The following COL26A1 variants were observed in gnomAD, a reference collection of about 807,000 sequenced individuals.
COL26A1 encodes collagen type XXVI alpha 1 chain, also known as collagen alpha-1(XXVI) chain.
A neutral mutation model predicts 59.3 loss-of-function variants in COL26A1; 41 were observed. That is an observed-to-expected ratio of 0.69 (90% CI 0.54 to 0.90). The LOEUF is 0.90. Among genes scored for constraint, COL26A1 ranks in the 40% least tolerant of loss-of-function variants. The pLI is 0.00. For synonymous variants in COL26A1, 266 were observed against 256.0 expected, an observed-to-expected ratio of 1.04 and a Z score of -0.37; for missense variants, 612 against 602.3, an observed-to-expected ratio of 1.02 and a Z score of -0.17.
chr7:101,483,230 C>T (rs35677699), intron 3 of COL26A1, among the ~76,000 whole-genome samples: 57,063 of 150,760 alleles, frequency 0.38, 11,348 homozygotes, highest in Middle Eastern at 0.5. Flanking sequence ...CAGAGTCTCG[C>T]TCTGTCACCC....
chr7:101,542,661 G>A (rs1237078692), intron 5 of COL26A1, among the ~76,000 whole-genome samples: 5 of 152,178 alleles, frequency 3.3e-5, no homozygotes, highest in Admixed American at 2.0e-4. Context: ...CATGACACAG[G>A]TGGCCTCCAG....
intron 2 of COL26A1, among the ~76,000 whole-genome samples, chr7:101,445,404 A>T (rs1191881126): frequency 6.6e-6 from 1 of 151,886 alleles, no homozygotes; most frequent in African/African-American, 2.4e-5. Context: ...GTCTCTGGAA[A>T]CTTTCATTCA....
intron 1 of COL26A1, among the ~76,000 whole-genome samples, chr7:101,387,063 C>T (rs1225609730): frequency 6.6e-6 from 1 of 152,130 alleles, no homozygotes; most frequent in Admixed American, 6.6e-5. Context: ...GGGTGGGTAG[C>T]TTGCAGGATG....
chr7:101,550,728 C>A (rs144779272), intron 9 of COL26A1, among the ~76,000 whole-genome samples: 1 of 152,084 alleles, frequency 6.6e-6, no homozygotes, highest in Non-Finnish European at 1.5e-5. Flanking sequence ...CAGCTGGACA[C>A]GGGCCTGGGG....
At chr7:101,551,220 C>CGG in intron 10 of COL26A1, 77 bp downstream of exon 10, 1 of 114,110 alleles carries the variant, frequency 8.8e-6, no homozygotes, top group South Asian at 1.1e-4. Context: ...CACTGGGTGG[C>CGG]GGGGGTTGGT....
At position 101,363,155 on chromosome 7, in the gene COL26A1, C is replaced by T. The variant is rs1790939956; in HGVS notation, c.123C>T (p.Gly41=). 5.3e-6 allele frequency: 8 copies of T among 1,509,744 alleles called. No individual in the cohort carries two copies. Among genetic ancestry groups the T allele is most frequent in the East Asian group, 2.7e-5 (1 of 36,986 alleles). 93.5% of individuals were successfully genotyped at this position (1,509,744 alleles called of 1,614,324 possible). ...ALQQHGYPEP[G]AGSPGSGYAS... ...AGCAGCACGGCTACCCCGAGCCCGG[C>T]GCCGGCTCCCCTGGCAGCGGCTACG... Residue 41 remains glycine (G), a synonymous_variant, in exon 1 of 13, where the codon GGC becomes GGT. Transcript: ENST00000313669.
chr7:101,542,027 C>T (rs1288422262), intron 5 of COL26A1, among the ~76,000 whole-genome samples: 1 of 151,402 alleles, frequency 6.6e-6, no homozygotes, highest in Non-Finnish European at 1.5e-5. Context: ...AGTGCAGTGT[C>T]GTGATCTCGG....
chr7:101,511,224 T>C (rs1304675091), intron 3 of COL26A1, among the ~76,000 whole-genome samples: 1 of 152,238 alleles, frequency 6.6e-6, no homozygotes, highest in African/African-American at 2.4e-5. Context: ...TTCAAAAGTA[T>C]TCCCATCTGA....
chr7:101,412,774 C>T (rs1041745957), intron 1 of COL26A1, among the ~76,000 whole-genome samples: 2 of 152,100 alleles, frequency 1.3e-5, no homozygotes, highest in African/African-American at 4.8e-5. Context: ...TGCTGCTGTG[C>T]ACTGCCACTT....
At chr7:101,536,072 G>A (rs545935948) in intron 4 of COL26A1, among the ~76,000 whole-genome samples, 2 of 152,294 alleles carry the variant, frequency 1.3e-5, no homozygotes, top group Admixed American at 1.3e-4. Context: ...GTGTGGTGGC[G>A]TGATCTCAGC....
chr7:101,536,389 TG>T (rs1795483276), intron 4 of COL26A1, among the ~76,000 whole-genome samples: 1 of 152,238 alleles, frequency 6.6e-6, no homozygotes, highest in African/African-American at 2.4e-5. Flanking sequence ...GAACACCAGC[TG>T]GGCTAGTTGC....
chr7:101,550,999 C>T (rs2130680159), intron 9 of COL26A1, 109 bp from the exon 10 acceptor site: 4 of 1,260,708 alleles, frequency 3.2e-6, no homozygotes, highest in Admixed American at 4.0e-5. Context: ...CCTCTCCCTT[C>T]CTCTTCTGCA....
At chr7:101,548,985 A>T (rs1795803242) in intron 8 of COL26A1, among the ~76,000 whole-genome samples, 186 bp from the exon 9 acceptor site, 1 of 152,054 alleles carries the variant, frequency 6.6e-6, no homozygotes, top group Non-Finnish European at 1.5e-5. Context: ...CAGCCGGTGG[A>T]GAGGACCCTG....
At chr7:101,370,367 G>T (rs368336941) in intron 1 of COL26A1, among the ~76,000 whole-genome samples, 1 of 151,522 alleles carries the variant, frequency 6.6e-6, no homozygotes, top group East Asian at 2.0e-4. Flanking sequence ...TGTTGTTGTT[G>T]TTTGTTTTGT....
At chr7:101,514,590 C>T (rs1794990486) in intron 3 of COL26A1, among the ~76,000 whole-genome samples, 1 of 152,114 alleles carries the variant, frequency 6.6e-6, no homozygotes, top group South Asian at 2.1e-4. Flanking sequence ...GCTAGCGAGG[C>T]AGTGCTGTTT....
At chr7:101,420,789 C>T (rs1289488740) in intron 2 of COL26A1, among the ~76,000 whole-genome samples, 1 of 150,840 alleles carries the variant, frequency 6.6e-6, no homozygotes, top group Non-Finnish European at 1.5e-5. Flanking sequence ...GCCCCTCCCT[C>T]TCACCAGCCC....
At chr7:101,532,856 G>A (rs990566869) in intron 3 of COL26A1, among the ~76,000 whole-genome samples, 1 of 152,226 alleles carries the variant, frequency 6.6e-6, no homozygotes, top group African/African-American at 2.4e-5. Flanking sequence ...TAAACAGACA[G>A]TATAGTGTAC....
intron 5 of COL26A1, 23 bp downstream of exon 5, chr7:101,540,072 A>C: frequency 6.2e-7 from 1 of 1,603,702 alleles, no homozygotes; most frequent in Non-Finnish European, 8.5e-7. Flanking sequence ...TGCAGAGAGG[A>C]CAGGCTGGGG....
At chr7:101,455,128 C>T (rs188019028) in intron 3 of COL26A1, among the ~76,000 whole-genome samples, 39 of 151,184 alleles carry the variant, frequency 2.6e-4, no homozygotes, top group South Asian at 1.5e-3. Context: ...CTGCAACCTC[C>T]GCCTCCCAGG....
Sources: gnomAD v4.1 joint callset for allele counts (sites outside exome capture counted in the v4.1 genomes callset) on GRCh38, gnomAD v4.1.1 for gene constraint, MANE v1.5 for transcripts, NCBI Gene and HGNC (gene_info 2026-07-23, HGNC 2026-07-21) for gene names.